SIRT5: variants seen among roughly 807,000 people sequenced by gnomAD.
SIRT5 encodes the protein sirtuin 5, also known as NAD-dependent protein deacylase sirtuin-5, mitochondrial.
SIRT5 carries 26 observed loss-of-function variants against 40.0 expected under a neutral mutation model. The observed-to-expected ratio is 0.65, with a 90% CI of 0.48 to 0.90. The LOEUF is 0.90. Ranked by LOEUF, SIRT5 falls within the 40% of genes least tolerant of loss-of-function variation. The probability of loss-of-function intolerance (pLI) is 0.00; values close to 1 mark genes in which losing one functional copy is unlikely to be tolerated. For synonymous variants in SIRT5, 146 were observed against 149.1 expected, an observed-to-expected ratio of 0.98 and a Z score of 0.15; for missense variants, 401 against 402.4, an observed-to-expected ratio of 1.00 and a Z score of 0.03.
At chr6:13,596,892 T>C (rs1287471364) in intron 6 of SIRT5, 71 bp from the exon 7 acceptor site, 2 of 1,256,028 alleles carry the variant, frequency 1.6e-6, no homozygotes, top group Non-Finnish European at 2.2e-6. Flanking sequence ...ATATACAAAC[T>C]GAGTTATGTT....
rs911016838 is a variant in SIRT5 at position 13,613,317 on chromosome 6, A to C, written c.*1452A>C. Reference sequence around the variant, plus strand: ...ACACTTTACTACCTTGGAGTAAAGTAGTAAGAATACAGCTTTTTCCTTAAC... The same window carrying C: ...ACACTTTACTACCTTGGAGTAAAGTCGTAAGAATACAGCTTTTTCCTTAAC... On this transcript the variant is annotated 3_prime_UTR_variant, in exon 10 of 10. Coordinates refer to ENST00000606117, the MANE Select transcript of SIRT5 (RefSeq NM_012241.5). 1.3e-5 allele frequency: 2 copies of C among 152,244 alleles called. No homozygotes were observed. Among genetic ancestry groups the C allele is most frequent in the Admixed American group, 6.5e-5 (1 of 15,288 alleles). The allele number at this position is 152,244 out of a possible 1,614,324, so 9.4% of individuals were successfully genotyped here. A position where few individuals can be genotyped will look rare whatever the true frequency, so the allele number is the denominator to read the frequency against.
chr6:13,611,546 T>C (rs576839658), intron 9 of SIRT5, among the ~76,000 whole-genome samples: 1 of 151,094 alleles, frequency 6.6e-6, no homozygotes, highest in South Asian at 2.1e-4. Flanking sequence ...TTATGGCACA[T>C]AAATTCTAGA....
intron 9 of SIRT5, chr6:13,604,406 G>A: frequency 2.1e-6 from 2 of 961,350 alleles, no homozygotes; most frequent in Non-Finnish European, 1.7e-6. Flanking sequence ...GAGTGGGACA[G>A]GATAAACTTT....
chr6:13,604,035 G>A lies in SIRT5; in HGVS notation c.857+3086G>A, dbSNP rs528189452. On this transcript the variant is annotated intron_variant, in intron 9 of 9. Coordinates refer to ENST00000606117, the MANE Select transcript of SIRT5 (RefSeq NM_012241.5). The stretch of plus-strand genomic sequence containing the variant: ...AGGTAGATGAGTGGTTGTTTTGGCT[G>A]GGAGTAGGGAGGAATTGGGAGTGGG... Among the ~76,000 whole-genome samples, 4 of 152,316 alleles carry A rather than the reference G, an allele frequency of 2.6e-5. No individual in the cohort carries two copies. The South Asian group carries it at 8.3e-4, about 32-fold the overall frequency.
intron 1 of SIRT5, among the ~76,000 whole-genome samples, chr6:13,576,475 C>T (rs1216126529): frequency 1.3e-5 from 2 of 152,102 alleles, no homozygotes; most frequent in African/African-American, 2.4e-5. Flanking sequence ...TGTTCAGGTT[C>T]TTTGTCCATT....
chr6:13,581,923 C>T (rs1326247061), intron 2 of SIRT5, among the ~76,000 whole-genome samples: 1 of 152,200 alleles, frequency 6.6e-6, no homozygotes, highest in Non-Finnish European at 1.5e-5. Flanking sequence ...TGCTTGGCCA[C>T]TCACAGCTCT....
chr6:13,578,103 C>A (rs1758856086), intron 1 of SIRT5, among the ~76,000 whole-genome samples: 1 of 152,118 alleles, frequency 6.6e-6, no homozygotes, highest in South Asian at 2.1e-4. Flanking sequence ...TGGTATATCT[C>A]ATTTATTGAT....
At chr6:13,575,347 G>A (rs1235904795) in intron 1 of SIRT5, among the ~76,000 whole-genome samples, 4 of 152,072 alleles carry the variant, frequency 2.6e-5, no homozygotes, top group Admixed American at 6.5e-5. Context: ...AAATAGGAGG[G>A]TGGAGACGAC....
rs758032079 is a variant in SIRT5, at chr6:13,591,732, C to A, written c.313C>A (p.Arg105=). ...PSRVWEFYHY[R]REVMGSKEPN... ...CCGGGTGTGGGAGTTCTACCACTAC[C>A]GGCGGGAGGTCATGGGGAGCAAGGA... is the stretch of plus-strand genomic sequence containing the variant. The change falls in exon 5 of 10, where the codon CGG becomes AGG. Residue 105 remains arginine (R), a synonymous_variant. Coordinates refer to ENST00000606117, the MANE Select transcript of SIRT5 (RefSeq NM_012241.5). The A allele has an allele frequency of 6.2e-7, 1 of 1,611,454 alleles. No homozygotes were observed. The highest frequency in any genetic ancestry group is 8.5e-7 in the Non-Finnish European group (1 of 1,178,090).
At chr6:13,580,018 T>G (rs745878834) in intron 2 of SIRT5, among the ~76,000 whole-genome samples, 3 of 152,210 alleles carry the variant, frequency 2.0e-5, no homozygotes, top group Non-Finnish European at 4.4e-5. Context: ...TGGAGTGATA[T>G]TCATGTTGGT....
chr6:13,585,297 G>T (rs1300126881), intron 3 of SIRT5, among the ~76,000 whole-genome samples: 4 of 151,844 alleles, frequency 2.6e-5, no homozygotes, highest in Admixed American at 6.6e-5. Context: ...CAACGTGCAG[G>T]TTTGTTACAT....
In SIRT5 at chr6:13,588,349, A is replaced by G; in HGVS notation, c.134A>G (p.Lys45Arg). The change falls in exon 4 of 10, where the codon AAG (lysine) becomes AGG (arginine). Residue 45 changes from lysine to arginine, a missense_variant. By Grantham distance (26) the Lys-to-Arg change is conservative (BLOSUM62 2). Transcript: ENST00000606117. ...RPSSSMADFR[K>R]FFAKAKHIVI... Reference sequence around the variant, plus strand: ...TGTTTAGGTATGGCAGATTTTCGAAAGTTTTTTGCAAAAGCAAAGCACATA... The same window carrying G: ...TGTTTAGGTATGGCAGATTTTCGAAGGTTTTTTGCAAAAGCAAAGCACATA... The G allele has an allele frequency of 6.2e-7, 1 of 1,613,978 alleles. No homozygotes were observed. Among genetic ancestry groups the G allele is most frequent in the Non-Finnish European group, 8.5e-7 (1 of 1,179,946 alleles).
chr6:13,576,960 A>G (rs1451132666), intron 1 of SIRT5, among the ~76,000 whole-genome samples: 3 of 152,172 alleles, frequency 2.0e-5, no homozygotes, highest in African/African-American at 2.4e-5. Flanking sequence ...AATTGACTGT[A>G]AATACTTGGG....
At chr6:13,575,327 G>A (rs1027516521) in intron 1 of SIRT5, among the ~76,000 whole-genome samples, 7 of 152,088 alleles carry the variant, frequency 4.6e-5, no homozygotes, top group African/African-American at 1.4e-4. Flanking sequence ...GTCAGAGGCC[G>A]GGTATCAACA....
chr6:13,609,734 A>G (rs1479955669), intron 9 of SIRT5, among the ~76,000 whole-genome samples: 1 of 152,208 alleles, frequency 6.6e-6, no homozygotes, highest in African/African-American at 2.4e-5. Flanking sequence ...TAGTCACTCA[A>G]AGAATGGAAT....
At chr6:13,604,477 C>T in intron 9 of SIRT5, 2 of 1,545,502 alleles carry the variant, frequency 1.3e-6, no homozygotes, top group Non-Finnish European at 8.9e-7. Context: ...TCTTTTCAGT[C>T]ATTTGATCTC....
intron 4 of SIRT5, chr6:13,589,103 A>G (rs1228747413): frequency 6.6e-6 from 1 of 152,252 alleles, no homozygotes; most frequent in African/African-American, 2.4e-5. Flanking sequence ...CTCCCATCCC[A>G]CTGGCTCAGG....
chr6:13,593,511 A>T (rs1761200410), intron 5 of SIRT5, among the ~76,000 whole-genome samples: 1 of 152,184 alleles, frequency 6.6e-6, no homozygotes, highest in South Asian at 2.1e-4. Context: ...CGAGATGACA[A>T]TGCCTATCTT....
Position 13,602,491 on chromosome 6 carries a change from A to G in SIRT5, c.857+1542A>G, listed in dbSNP as rs546246487. On this transcript the variant is annotated intron_variant, in intron 9 of 9. Coordinates refer to ENST00000606117, the MANE Select transcript of SIRT5 (RefSeq NM_012241.5). ...CTCCAGCCTGGGCAACAAGAGTAAA[A>G]CTCCGTCTCAAAAAAAAAAAAAAAC... Among the ~76,000 whole-genome samples the G allele has an allele frequency of 6.7e-5, 10 of 150,222 alleles. No homozygotes were observed. The South Asian group carries it at 8.5e-4, about 13-fold the overall frequency.
Sources: gnomAD v4.1 joint callset for allele counts (sites outside exome capture counted in the v4.1 genomes callset) on GRCh38, gnomAD v4.1.1 for gene constraint, MANE v1.5 for transcripts, NCBI Gene and HGNC (gene_info 2026-07-23, HGNC 2026-07-21) for gene names.